Variants in IFNAR1 observed in about 807,000 individuals in gnomAD.
IFNAR1 encodes interferon alpha and beta receptor subunit 1, also known as interferon alpha/beta receptor 1.
Under a neutral mutation model 62.1 loss-of-function variants are expected in IFNAR1, and 47 were observed. The observed-to-expected ratio is 0.76, with a 90% confidence interval of 0.60 to 0.97. The LOEUF is 0.97. IFNAR1 is among the 50% of genes least tolerant of loss of function. The pLI is 0.00. For missense variants in IFNAR1, 638 were observed against 654.5 expected (o/e 0.97, Z 0.27); for synonymous variants, 219 against 226.9 (o/e 0.97, Z 0.31).
Position 33,335,572 on chromosome 21 carries a change from A to G in IFNAR1, c.125A>G (p.Asp42Gly), listed in dbSNP as rs2083226005. The change falls in exon 2 of 11, where the codon GAT becomes GGT. Residue 42 changes from aspartate (D) to glycine (G), a missense_variant. Transcript: ENST00000270139. ...CAAAAAGTAGAGGTCGACATCATAG[A>G]TGACAACTTTATCCTGAGGTGGAAC... ...SPQKVEVDII[D>G]DNFILRWNRS... is the part of the protein sequence containing the mutation. 6.2e-7 allele frequency: 1 copy of G among 1,607,688 alleles called. No individual in the cohort carries two copies. Among genetic ancestry groups the G allele is most frequent in the African/African-American group, 1.3e-5 (1 of 74,696 alleles).
In IFNAR1 at chr21:33,324,985, G is replaced by T. The variant is rs747022187; in HGVS notation, c.-71G>T. The T allele has an allele frequency of 7.2e-7, 1 of 1,396,404 alleles. No individual in the cohort carries two copies. Among genetic ancestry groups the T allele is most frequent in the Non-Finnish European group, 9.9e-7 (1 of 1,008,700 alleles). The allele number at this position is 1,396,404 out of a possible 1,614,324, so 86.5% of individuals were successfully genotyped here. ...GCAGAGGGGCGGTGTGACTTAGGAC[G>T]GGGCGATGGCGGCTGAGAGGAGCTG... On this transcript the variant is annotated 5_prime_UTR_variant, in exon 1 of 11. Coordinates refer to ENST00000270139, the MANE Select transcript of IFNAR1 (RefSeq NM_000629.3).
In IFNAR1 at chr21:33,357,116, T is replaced by C. The variant is rs1220496507; in HGVS notation, c.*1567T>C. The C allele has an allele frequency of 6.6e-6, 1 of 152,224 alleles. No individual in the cohort carries two copies. Among genetic ancestry groups the C allele is most frequent in the Non-Finnish European group, 1.5e-5 (1 of 68,040 alleles). 9.4% of individuals were successfully genotyped at this position (152,224 alleles called of 1,614,324 possible). A position where few individuals can be genotyped will look rare whatever the true frequency, so the allele number is the denominator to read the frequency against. On this transcript the variant is annotated 3_prime_UTR_variant, in exon 11 of 11. Coordinates refer to ENST00000270139, the MANE Select transcript of IFNAR1 (RefSeq NM_000629.3). ...GGGGATTACCCATGGATATCCTTAA[T>C]AGGCAGGAAGTCTGGGAATTCTGGT...
Position 33,359,305 on chromosome 21 carries a change from G to A in IFNAR1, c.*3756G>A, listed in dbSNP as rs1399237287. The A allele has an allele frequency of 6.6e-6, 1 of 152,152 alleles. No individual in the cohort carries two copies. The highest frequency in any genetic ancestry group is 2.4e-5 in the African/African-American group (1 of 41,428). 9.4% of individuals were successfully genotyped at this position (152,152 alleles called of 1,614,324 possible). On this transcript the variant is annotated 3_prime_UTR_variant, in exon 11 of 11. Coordinates refer to ENST00000270139, the MANE Select transcript of IFNAR1 (RefSeq NM_000629.3). ...TATGTAATAAGCAATGGGCCCAAAA[G>A]TCTAGGAGTTTTTTTGTACTTAGTG...
rs552123706 is a variant in IFNAR1 at position 33,336,206 on chromosome 21, G to C, written c.200+559G>C. On this transcript the variant is annotated intron_variant, in intron 2 of 10. Coordinates refer to ENST00000270139, the MANE Select transcript of IFNAR1 (RefSeq NM_000629.3). ...TTTTGTTCTTGCGATAGTTTACTGA[G>C]AATGATGATTTCCAATTTCATCCAT... is the stretch of plus-strand genomic sequence containing the variant. Among the ~76,000 whole-genome samples the C allele has an allele frequency of 1.3e-3, 173 of 137,474 alleles. 2 individuals are homozygous for C. Among genetic ancestry groups the C allele is most frequent in the Non-Finnish European group, 2.2e-3 (142 of 64,222 alleles). The allele number at this position is 137,474 out of a possible 152,430, so 90.2% of individuals were successfully genotyped here.
intron 2 of IFNAR1, among the ~76,000 whole-genome samples, chr21:33,337,158 G>A (rs1266135698): frequency 6.6e-6 from 1 of 151,916 alleles, no homozygotes; most frequent in African/African-American, 2.4e-5. Context: ...AGGAGACAGA[G>A]GTTGCTGTGA....
chr21:33,335,204 T>C (rs2083221722), intron 1 of IFNAR1: 1 of 482,970 alleles, frequency 2.1e-6, no homozygotes, highest in East Asian at 3.4e-5. Context: ...AACCTCATCA[T>C]AAGAGTGACT....
intron 1 of IFNAR1, among the ~76,000 whole-genome samples, chr21:33,326,896 A>G (rs1284624587): frequency 6.6e-6 from 1 of 152,148 alleles, no homozygotes; most frequent in Non-Finnish European, 1.5e-5. Context: ...GGGGAATGGC[A>G]ACTATTACAA....
rs1354585367 is a variant in IFNAR1 at position 33,345,264 on chromosome 21, C to T, written c.692C>T (p.Pro231Leu). 1.3e-6 allele frequency: 2 copies of T among 1,580,204 alleles called. No individual in the cohort carries two copies. The highest frequency in any genetic ancestry group is 1.3e-5 in the African/African-American group (1 of 74,126). Reference protein sequence around the residue: ...IKTTVENELPPPENIEVSVQN... With the variant: ...IKTTVENELPLPENIEVSVQN... The stretch of plus-strand genomic sequence containing the variant: ...CTTCTAGTTGAAAATGAACTACCTC[C>T]ACCAGAAAATATAGAAGTCAGTGTC... The change falls in exon 6 of 11, where the codon CCA becomes CTA. Residue 231 changes from proline to leucine, a missense_variant. By Grantham distance (98) the Pro-to-Leu change is moderately conservative (BLOSUM62 -3). Coordinates refer to ENST00000270139, the MANE Select transcript of IFNAR1 (RefSeq NM_000629.3).
In IFNAR1 at chr21:33,358,004, C is replaced by G. The variant is rs1170844648; in HGVS notation, c.*2455C>G. Reference sequence around the variant, plus strand: ...GGAAAACGTACTTCAGACTGGATAGCCTAAAAAGGAGCAATGCCCTTGTAG... The same window carrying G: ...GGAAAACGTACTTCAGACTGGATAGGCTAAAAAGGAGCAATGCCCTTGTAG... On this transcript the variant is annotated 3_prime_UTR_variant, in exon 11 of 11. Coordinates refer to ENST00000270139, the MANE Select transcript of IFNAR1 (RefSeq NM_000629.3). 1 of 152,130 alleles carries G rather than the reference C, an allele frequency of 6.6e-6. No homozygotes were observed. The highest frequency in any genetic ancestry group is 2.4e-5 in the African/African-American group (1 of 41,404). The allele number at this position is 152,130 out of a possible 1,614,324, so 9.4% of individuals were successfully genotyped here.
At chr21:33,330,421 G>C (rs548296084) in intron 1 of IFNAR1, among the ~76,000 whole-genome samples, 108 of 152,212 alleles carry the variant, frequency 7.1e-4, no homozygotes, top group African/African-American at 2.6e-3. Context: ...TGCATTTATG[G>C]GGAAAATTAG....
Position 33,353,784 on chromosome 21 carries a change from G to T in IFNAR1, c.1440+1G>T. 1.3e-6 allele frequency: 2 copies of T among 1,549,604 alleles called. No individual in the cohort carries two copies. The highest frequency in any genetic ancestry group is 8.7e-7 in the Non-Finnish European group (1 of 1,152,630). ...TAAACCTTCTTCCAGTATAGATGAG[G>T]TATGTTACTTTTTTTATTTTTTTGT... On this transcript the variant is annotated splice_donor_variant, in intron 10 of 10. Transcript: ENST00000270139. LOFTEE classifies it high-confidence loss of function.
At chr21:33,349,731 C>G (rs889917286) in intron 8 of IFNAR1, among the ~76,000 whole-genome samples, 188 bp downstream of exon 8, 1 of 151,938 alleles carries the variant, frequency 6.6e-6, no homozygotes, top group Admixed American at 6.6e-5. Flanking sequence ...TTGAGACCAG[C>G]CTGGGCAACA....
At chr21:33,335,285 G>C (rs532091470) in intron 1 of IFNAR1, among the ~76,000 whole-genome samples, 94 of 152,128 alleles carry the variant, frequency 6.2e-4, no homozygotes, top group African/African-American at 2.2e-3. Context: ...TTAATTAAAA[G>C]ACAACTCTAT....
intron 1 of IFNAR1, among the ~76,000 whole-genome samples, chr21:33,327,467 T>A (rs1039889830): frequency 3.9e-5 from 6 of 152,132 alleles, no homozygotes; most frequent in Non-Finnish European, 7.4e-5. Context: ...AACGGAGAGA[T>A]CAAGTAACTT....
At chr21:33,335,131 G>A (rs772419710) in intron 1 of IFNAR1, 5 of 668,866 alleles carry the variant, frequency 7.5e-6, no homozygotes, top group Non-Finnish European at 1.4e-5. Context: ...TGTAAGTCAA[G>A]AAGCATCTCT....
Position 33,355,437 on chromosome 21 carries a change from A to G in IFNAR1, c.1562A>G (p.Asp521Gly). 2 of 1,598,350 alleles carry G rather than the reference A, an allele frequency of 1.3e-6. No individual in the cohort carries two copies. Among genetic ancestry groups the G allele is most frequent in the Non-Finnish European group, 1.7e-6 (2 of 1,168,448 alleles). The stretch of plus-strand genomic sequence containing the variant: ...ACAGTAGAAGAAACTAATCAAACTG[A>G]TGAAGATCATAAAAAATACAGTTCC... ...IATVEETNQT[D>G]EDHKKYSSQT... is the part of the protein sequence containing the mutation. The change falls in exon 11 of 11, where the codon GAT becomes GGT. Residue 521 changes from aspartate to glycine, a missense_variant. Physicochemically the swap from Asp to Gly is moderately conservative, Grantham distance 94. Transcript: ENST00000270139.
Position 33,335,548 on chromosome 21 carries a change from A to G in IFNAR1, c.101A>G (p.Gln34Arg). 6.2e-7 allele frequency: 1 copy of G among 1,601,428 alleles called. No individual in the cohort carries two copies. Among genetic ancestry groups the G allele is most frequent in the Non-Finnish European group, 8.5e-7 (1 of 1,171,582 alleles). The part of the protein sequence containing the change: ...AAGGKNLKSP[Q>R]KVEVDIIDDN... Reference sequence around the variant, plus strand: ...GGTGGAAAAAATCTAAAATCTCCTCAAAAAGTAGAGGTCGACATCATAGAT... The same window carrying G: ...GGTGGAAAAAATCTAAAATCTCCTCGAAAAGTAGAGGTCGACATCATAGAT... Residue 34 changes from glutamine to arginine, a missense_variant, in exon 2 of 11, where the codon CAA (glutamine) becomes CGA (arginine). Coordinates refer to ENST00000270139, the MANE Select transcript of IFNAR1 (RefSeq NM_000629.3).
Position 33,356,845 on chromosome 21 carries a change from T to C in IFNAR1, c.*1296T>C, listed in dbSNP as rs1350975231. Reference sequence around the variant, plus strand: ...GAAGAAGAATGTTCCACTGGAAGCCTGAGCACCTAATCAGCTCTCAGTGAT... The same window carrying C: ...GAAGAAGAATGTTCCACTGGAAGCCCGAGCACCTAATCAGCTCTCAGTGAT... On this transcript the variant is annotated 3_prime_UTR_variant, in exon 11 of 11. Coordinates refer to ENST00000270139, the MANE Select transcript of IFNAR1 (RefSeq NM_000629.3). The C allele has an allele frequency of 6.6e-6, 1 of 152,198 alleles. No individual in the cohort carries two copies. Among genetic ancestry groups the C allele is most frequent in the Non-Finnish European group, 1.5e-5 (1 of 68,032 alleles). 9.4% of individuals were successfully genotyped at this position (152,198 alleles called of 1,614,324 possible). A position where few individuals can be genotyped will look rare whatever the true frequency, so the allele number is the denominator to read the frequency against.
intron 6 of IFNAR1, among the ~76,000 whole-genome samples, chr21:33,348,568 G>A (rs1028924919): frequency 3.9e-5 from 6 of 152,052 alleles, no homozygotes; most frequent in South Asian, 2.1e-4. Context: ...TTAGGAGGCC[G>A]AGGTAGGTGG....
Sources: allele counts gnomAD v4.1 joint callset (sites outside exome capture counted in the v4.1 genomes callset), GRCh38; gene constraint gnomAD v4.1.1; transcripts MANE v1.5; gene names NCBI Gene and HGNC (gene_info 2026-07-23, HGNC 2026-07-21).